Variants in MSRA observed in about 807,000 individuals in gnomAD.
MSRA encodes mitochondrial peptide methionine sulfoxide reductase.
A neutral mutation model predicts 31.3 loss-of-function variants in MSRA; 54 were observed. The observed-to-expected ratio is 1.73, with a 90% CI of 1.39 to 2.17. The LOEUF is 2.17. Ranked by LOEUF, MSRA falls within the 30% of genes most tolerant of loss-of-function variation. MSRA has a pLI of 0.00. For synonymous variants in MSRA, 169 were observed against 116.5 expected (o/e 1.45, Z -2.90); for missense variants, 507 against 300.9 (o/e 1.69, Z -5.07).
chr8:10,412,307 A>G (rs995684723), intron 5 of MSRA, among the ~76,000 whole-genome samples: 2 of 152,208 alleles, frequency 1.3e-5, no homozygotes, highest in South Asian at 2.1e-4. Flanking sequence ...AAGTTCCTCA[A>G]TTACAAGGGC....
chr8:10,105,062 A>C (rs1191747113), intron 1 of MSRA, among the ~76,000 whole-genome samples: 4 of 152,164 alleles, frequency 2.6e-5, no homozygotes, highest in African/African-American at 9.7e-5. Flanking sequence ...AATATTGGTA[A>C]TTTAGATTTC....
At chr8:10,144,415 C>T (rs1269852415) in intron 1 of MSRA, among the ~76,000 whole-genome samples, 1 of 152,144 alleles carries the variant, frequency 6.6e-6, no homozygotes, top group East Asian at 1.9e-4. Context: ...ACCTCAGAGT[C>T]CGTGAGGATG....
At chr8:10,217,046 T>C (rs1299064702) in intron 2 of MSRA, among the ~76,000 whole-genome samples, 1 of 152,268 alleles carries the variant, frequency 6.6e-6, no homozygotes, top group Non-Finnish European at 1.5e-5. Context: ...CCAATTTCTC[T>C]GTATCCTTGC....
intron 1 of MSRA, among the ~76,000 whole-genome samples, chr8:10,125,608 T>C (rs552337143): frequency 6.6e-6 from 1 of 152,186 alleles, no homozygotes; most frequent in Non-Finnish European, 1.5e-5. Flanking sequence ...AACCTGATCC[T>C]GCAGGTATAG....
At chr8:10,295,282 A>C (rs1800472174) in intron 3 of MSRA, among the ~76,000 whole-genome samples, 1 of 152,084 alleles carries the variant, frequency 6.6e-6, no homozygotes, top group African/African-American at 2.4e-5. Flanking sequence ...AGCAGTGGAC[A>C]CACACCTTTA....
chr8:10,413,112 TGC>T (rs1353333998), intron 5 of MSRA, among the ~76,000 whole-genome samples: 1 of 152,182 alleles, frequency 6.6e-6, no homozygotes, highest in Non-Finnish European at 1.5e-5. Context: ...CACTGAGGAA[TGC>T]GTATGCCCAG....
At chr8:10,278,284 C>T (rs1357685730) in intron 3 of MSRA, among the ~76,000 whole-genome samples, 1 of 152,170 alleles carries the variant, frequency 6.6e-6, no homozygotes, top group Non-Finnish European at 1.5e-5. Context: ...TCCTTTACAA[C>T]ACAAGAGGCA....
At chr8:10,144,134 T>G (rs1802938861) in intron 1 of MSRA, among the ~76,000 whole-genome samples, 1 of 152,084 alleles carries the variant, frequency 6.6e-6, no homozygotes, top group African/African-American at 2.4e-5. Context: ...CCACCATCTT[T>G]AGGAAAGTCA....
chr8:10,401,243 G>A (rs1807445267), intron 5 of MSRA, among the ~76,000 whole-genome samples: 1 of 152,130 alleles, frequency 6.6e-6, no homozygotes, highest in Admixed American at 6.5e-5. Flanking sequence ...AAATGGGCAA[G>A]GGACTTTGAA....
At chr8:10,283,356 T>C (rs1015888986) in intron 3 of MSRA, among the ~76,000 whole-genome samples, 5 of 152,182 alleles carry the variant, frequency 3.3e-5, no homozygotes, top group African/African-American at 1.2e-4. Context: ...ATTGTGCTCC[T>C]ATCCAGCAGC....
intron 5 of MSRA, among the ~76,000 whole-genome samples, chr8:10,394,308 C>T (rs569612268): frequency 1.3e-5 from 2 of 152,162 alleles, no homozygotes; most frequent in Non-Finnish European, 2.9e-5. Context: ...TTCAAATACA[C>T]TGTAGCAGTG....
intron 5 of MSRA, among the ~76,000 whole-genome samples, chr8:10,419,000 A>T (rs6991690): frequency 1.3e-5 from 2 of 152,038 alleles, no homozygotes; most frequent in Non-Finnish European, 2.9e-5. Context: ...GGTCAGTCCT[A>T]CTAAGGCGGG....
At position 10,272,525 on chromosome 8, in the gene MSRA, A is replaced by G. The variant is rs560522214; in HGVS notation, c.331+27302A>G. Among the ~76,000 whole-genome samples the G allele has an allele frequency of 1.2e-3, 177 of 152,348 alleles. 1 individual carries two copies. Among genetic ancestry groups the G allele is most frequent in the Non-Finnish European group, 2.3e-3 (155 of 68,022 alleles). Reference sequence around the variant, plus strand: ...TACTGGGTGAGGACCATCCACATCAAGGAGGGCTGTCCGCTTTACCGGGTC... The same window carrying G: ...TACTGGGTGAGGACCATCCACATCAGGGAGGGCTGTCCGCTTTACCGGGTC... On this transcript the variant is annotated intron_variant, in intron 3 of 5. Transcript: ENST00000317173.
Position 10,418,968 on chromosome 8 carries a change from AC to A in MSRA, c.544-9179del, listed in dbSNP as rs562796330. On this transcript the variant is annotated intron_variant, in intron 5 of 5. Transcript: ENST00000317173. ...GTGAGACCCTGTCTCCAAAAACAAA[AC>A]AAAACAAAAATATGTCTATAGGTCA... Among the ~76,000 whole-genome samples, 262 of 152,068 alleles carry A rather than the reference AC, an allele frequency of 1.7e-3. 1 individual carries two copies. Among genetic ancestry groups the A allele is most frequent in the African/African-American group, 5.9e-3 (246 of 41,460 alleles).
intron 5 of MSRA, among the ~76,000 whole-genome samples, chr8:10,425,392 C>A (rs531100987): frequency 1.3e-5 from 2 of 152,226 alleles, no homozygotes; most frequent in East Asian, 1.9e-4. Flanking sequence ...GGCAAACCTC[C>A]CTTCCGGGCT....
chr8:10,056,198 C>CAA (rs35457688), intron 1 of MSRA, among the ~76,000 whole-genome samples: 3,765 of 89,048 alleles, frequency 0.042, 125 homozygotes, highest in African/African-American at 0.11. Flanking sequence ...TCCCATACAC[C>CAA]AAAAAAAAAA....
chr8:10,356,549 T>G (rs942609677), intron 5 of MSRA, among the ~76,000 whole-genome samples: 1 of 152,166 alleles, frequency 6.6e-6, no homozygotes, highest in Admixed American at 6.5e-5. Flanking sequence ...TCAAATTCCT[T>G]TGTTGAAATT....
intron 1 of MSRA, among the ~76,000 whole-genome samples, chr8:10,093,215 C>T (rs976910295): frequency 2.6e-5 from 4 of 152,076 alleles, no homozygotes; most frequent in African/African-American, 9.7e-5. Flanking sequence ...ATAGGATTTA[C>T]TTATGCTATT....
At chr8:10,425,793 T>G (rs1210229461) in intron 5 of MSRA, among the ~76,000 whole-genome samples, 1 of 152,252 alleles carries the variant, frequency 6.6e-6, no homozygotes, top group Non-Finnish European at 1.5e-5. Flanking sequence ...AGCCTGTGAA[T>G]CCCACTGGCG....
Sources: gnomAD v4.1 joint callset for allele counts (sites outside exome capture counted in the v4.1 genomes callset) on GRCh38, gnomAD v4.1.1 for gene constraint, MANE v1.5 for transcripts, NCBI Gene and HGNC (gene_info 2026-07-23, HGNC 2026-07-21) for gene names.